Variants in RGS7BP observed in about 807,000 individuals in gnomAD.
The protein encoded by RGS7BP is regulator of G protein signaling 7-binding protein.
RGS7BP carries 9 observed loss-of-function variants against 31.3 expected under a neutral mutation model. The ratio of observed to expected loss-of-function variants is 0.29; its 90% confidence interval spans 0.17 to 0.50. The LOEUF (loss-of-function observed/expected upper bound fraction) is 0.50, where lower values mean the gene tolerates loss of function less well. Ranked by LOEUF, RGS7BP falls within the 20% of genes least tolerant of loss-of-function variation. RGS7BP has a pLI of 0.98. For missense variants in RGS7BP, 274 were observed against 322.0 expected (o/e 0.85, Z 1.14); for synonymous variants, 115 against 120.1 (o/e 0.96, Z 0.28).
chr5:64,547,673 C>T (rs1741693205), intron 2 of RGS7BP, among the ~76,000 whole-genome samples: 1 of 152,058 alleles, frequency 6.6e-6, no homozygotes, highest in African/African-American at 2.4e-5. Context: ...AATAGTCTCA[C>T]CCGTAATTTG....
intron 2 of RGS7BP, among the ~76,000 whole-genome samples, chr5:64,559,805 T>C (rs1742009744): frequency 6.6e-6 from 1 of 152,164 alleles, no homozygotes; most frequent in African/African-American, 2.4e-5. Context: ...TGTTGTTCCA[T>C]TGACATATAT....
Position 64,506,789 on chromosome 5 carries a change from G to A in RGS7BP, c.165G>A (p.Met55Ile). The change falls in exon 1 of 6, where the codon ATG (methionine) becomes ATA (isoleucine). Residue 55 changes from methionine to isoleucine, a missense_variant and splice_region_variant. Met to Ile is a conservative substitution (Grantham distance 10). Around this residue, in one of 3 missense-constraint regions of RGS7BP, gnomAD observed 149 missense variants for 152.6 expected, o/e 0.98. Coordinates refer to ENST00000334025, the MANE Select transcript of RGS7BP (RefSeq NM_001029875.3). The surrounding 1 kb of genome is among the most constrained non-coding windows in gnomAD (Gnocchi z 4.6). ...AACGAGCCCTGGACGACTGCAAGAT[G>A]GTGGGTGAAAACTGCGCCTCTTTTT... Reference protein sequence around the residue: ...KTQRALDDCKMLVQEFNTQVA... With the variant: ...KTQRALDDCKILVQEFNTQVA... 6.4e-7 allele frequency: 1 copy of A among 1,553,924 alleles called. No homozygotes were observed. The highest frequency in any genetic ancestry group is 8.7e-7 in the Non-Finnish European group (1 of 1,146,234).
intron 3 of RGS7BP, among the ~76,000 whole-genome samples, chr5:64,593,729 A>G (rs1355940047): frequency 6.6e-6 from 1 of 152,156 alleles, no homozygotes; most frequent in Non-Finnish European, 1.5e-5. Context: ...TCTAGCATGA[A>G]TCCCAGTGCT....
intron 2 of RGS7BP, among the ~76,000 whole-genome samples, chr5:64,547,915 T>TG (rs1049688423): frequency 2.0e-5 from 3 of 152,114 alleles, no homozygotes; most frequent in Non-Finnish European, 4.4e-5. Context: ...ATAGGCCTTT[T>TG]GGGGAAAAAT....
At chr5:64,513,886 A>G (rs967802950) in intron 2 of RGS7BP, among the ~76,000 whole-genome samples, 1 of 152,264 alleles carries the variant, frequency 6.6e-6, no homozygotes, top group Non-Finnish European at 1.5e-5. Flanking sequence ...CGATGGAAGA[A>G]CAATTCAGTA....
intron 3 of RGS7BP, among the ~76,000 whole-genome samples, chr5:64,586,260 A>G (rs1217078939): frequency 6.6e-6 from 1 of 152,104 alleles, no homozygotes; most frequent in Non-Finnish European, 1.5e-5. Flanking sequence ...AAGAATATCT[A>G]TGAACTGACC....
chr5:64,511,620 C>T (rs1233634552), intron 2 of RGS7BP, among the ~76,000 whole-genome samples: 1 of 152,148 alleles, frequency 6.6e-6, no homozygotes, highest in African/African-American at 2.4e-5. Flanking sequence ...TTTGGACTTC[C>T]TTCTCAAAGT....
chr5:64,506,929 A>C lies in RGS7BP; in HGVS notation c.165+140A>C. On this transcript the variant is annotated intron_variant, in intron 1 of 5. Transcript: ENST00000334025. The surrounding 1 kb of genome is among the most constrained non-coding windows in gnomAD (Gnocchi z 4.6). ...ATGCCGATCACGTGGCACATGCACT[A>C]TTTTTAAATCTGCAGTCCCCCAAAT... 1.3e-6 allele frequency: 1 copy of C among 774,598 alleles called. No individual in the cohort carries two copies. Among genetic ancestry groups the C allele is most frequent in the East Asian group, 2.7e-5 (1 of 36,764 alleles). The allele number at this position is 774,598 out of a possible 1,614,324, so 48.0% of individuals were successfully genotyped here.
chr5:64,521,508 C>T (rs12234046), intron 2 of RGS7BP, among the ~76,000 whole-genome samples: 15 of 152,296 alleles, frequency 9.8e-5, no homozygotes, highest in African/African-American at 2.4e-4. Context: ...CCACCCACCT[C>T]GGCCTCCCAA....
intron 4 of RGS7BP, among the ~76,000 whole-genome samples, chr5:64,597,079 C>T (rs1343401108): frequency 6.6e-6 from 1 of 152,292 alleles, no homozygotes; most frequent in East Asian, 1.9e-4. Context: ...GATGCATCTG[C>T]TTTTTGTACC....
chr5:64,569,726 G>C (rs1742260599), intron 2 of RGS7BP, among the ~76,000 whole-genome samples: 1 of 152,136 alleles, frequency 6.6e-6, no homozygotes, highest in Non-Finnish European at 1.5e-5. Flanking sequence ...ACTGAATTAG[G>C]GTGTATCCTT....
chr5:64,551,234 AT>A (rs1224123526), intron 2 of RGS7BP, among the ~76,000 whole-genome samples: 1 of 148,978 alleles, frequency 6.7e-6, no homozygotes, highest in East Asian at 2.0e-4. Flanking sequence ...TGTCTTAAGG[AT>A]TTTTTTTATT....
rs538142683 is a variant in RGS7BP at position 64,581,600 on chromosome 5, G to A, written c.463+5696G>A. On this transcript the variant is annotated intron_variant, in intron 3 of 5. Transcript: ENST00000334025. ...GGCCACTGCAGGGGTTAAGAATATAGTTTCTTTCTGGGAAAAACAAGCTAC... is the reference window on the plus strand; with the variant it reads ...GGCCACTGCAGGGGTTAAGAATATAATTTCTTTCTGGGAAAAACAAGCTAC... Among the ~76,000 whole-genome samples, 3 of 152,294 alleles carry A rather than the reference G, an allele frequency of 2.0e-5. No homozygotes were observed. The East Asian group carries it at 5.8e-4, about 29-fold the overall frequency.
intron 2 of RGS7BP, among the ~76,000 whole-genome samples, chr5:64,517,705 G>C (rs1749011796): frequency 6.6e-6 from 1 of 152,158 alleles, no homozygotes; most frequent in African/African-American, 2.4e-5. Flanking sequence ...AAAAGATTTT[G>C]CTGCTTTTAA....
chr5:64,566,454 G>A (rs1380753910), intron 2 of RGS7BP, among the ~76,000 whole-genome samples: 1 of 152,052 alleles, frequency 6.6e-6, no homozygotes, highest in Non-Finnish European at 1.5e-5. Context: ...TAGGGAGACT[G>A]CTTTACAGGA....
chr5:64,592,319 T>A (rs900976502), intron 3 of RGS7BP, among the ~76,000 whole-genome samples: 1 of 152,156 alleles, frequency 6.6e-6, no homozygotes, highest in African/African-American at 2.4e-5. Context: ...TCAGCTACAT[T>A]AGCAGAATTA....
intron 3 of RGS7BP, 108 bp downstream of exon 3, chr5:64,576,012 C>G: frequency 1.1e-6 from 1 of 942,362 alleles, no homozygotes; most frequent in Admixed American, 2.7e-5. Context: ...TATGCAATTA[C>G]GATGAATTTA....
intron 3 of RGS7BP, among the ~76,000 whole-genome samples, chr5:64,578,991 A>G (rs1168103073): frequency 6.6e-6 from 1 of 152,220 alleles, no homozygotes; most frequent in Non-Finnish European, 1.5e-5. Context: ...CTTCAACTGA[A>G]TATATGTATA....
In RGS7BP at chr5:64,596,205, G is replaced by A. The variant is rs143925691; in HGVS notation, c.611+1348G>A. ...GAGTAGGATAGTTAAGGCCCACAAC[G>A]TTGGCAATGTTTCAGTTCAGCCTGA... On this transcript the variant is annotated intron_variant, in intron 4 of 5. Coordinates refer to ENST00000334025, the MANE Select transcript of RGS7BP (RefSeq NM_001029875.3). Among the ~76,000 whole-genome samples, 126 of 152,246 alleles carry A rather than the reference G, an allele frequency of 8.3e-4. 1 individual carries two copies. The highest frequency in any genetic ancestry group is 2.4e-3 in the Admixed American group (36 of 15,280).
Sources: allele counts gnomAD v4.1 joint callset (sites outside exome capture counted in the v4.1 genomes callset), GRCh38; gene constraint gnomAD v4.1.1; regional missense constraint gnomAD v4.1.1; non-coding constraint Gnocchi (gnomAD v3.1); transcripts MANE v1.5; gene names NCBI Gene and HGNC (gene_info 2026-07-23, HGNC 2026-07-21).